Variants in MOXD1 observed in about 807,000 individuals in gnomAD.
The protein encoded by MOXD1 is DBH-like monooxygenase protein 1.
In MOXD1, 62 loss-of-function variants were observed where a neutral mutation model predicts 66.6. The ratio of observed to expected loss-of-function variants is 0.93; its 90% confidence interval spans 0.76 to 1.15. The LOEUF is 1.15. MOXD1 is among the 50% of genes most tolerant of loss of function. The pLI, the probability that MOXD1 is intolerant of heterozygous loss-of-function variation, is 0.00. For missense variants in MOXD1, 847 were observed against 754.6 expected, an observed-to-expected ratio of 1.12 and a Z score of -1.44; for synonymous variants, 303 against 281.9, an observed-to-expected ratio of 1.07 and a Z score of -0.75.
intron 10 of MOXD1, among the ~76,000 whole-genome samples, chr6:132,308,144 A>G (rs751985750): frequency 6.6e-6 from 1 of 152,090 alleles, no homozygotes; most frequent in Non-Finnish European, 1.5e-5. Flanking sequence ...TAAAGAGGAA[A>G]AGAGAGAAGA....
intron 4 of MOXD1, among the ~76,000 whole-genome samples, chr6:132,336,630 T>C (rs1166779513): frequency 6.6e-6 from 1 of 152,146 alleles, no homozygotes; most frequent in Non-Finnish European, 1.5e-5. Context: ...ATGCAAATCC[T>C]GACTTGCTGA....
At chr6:132,339,816 A>C (rs1391742171) in intron 4 of MOXD1, among the ~76,000 whole-genome samples, 1 of 151,982 alleles carries the variant, frequency 6.6e-6, no homozygotes, top group Non-Finnish European at 1.5e-5. Flanking sequence ...AAATAGCCTA[A>C]GGATGAAGAT....
chr6:132,345,095 T>C (rs765468630), intron 4 of MOXD1, among the ~76,000 whole-genome samples: 2 of 152,196 alleles, frequency 1.3e-5, no homozygotes, highest in African/African-American at 4.8e-5. Flanking sequence ...AGAGGTTCCA[T>C]CGGCCACAGA....
intron 1 of MOXD1, among the ~76,000 whole-genome samples, chr6:132,386,447 A>AAAAAAAAAAAAAAAC (rs1776646640): frequency 1.5e-5 from 2 of 130,300 alleles, no homozygotes; most frequent in African/African-American, 3.3e-5. Context: ...AAAAAAAAAC[A>AAAAAAAAAAAAAAAC]AAAAAAAAAC....
At chr6:132,301,067 T>C (rs1774524946) in intron 10 of MOXD1, among the ~76,000 whole-genome samples, 1 of 152,112 alleles carries the variant, frequency 6.6e-6, no homozygotes, top group African/African-American at 2.4e-5. Context: ...AAGTAGCAAG[T>C]ATTTCTGCTT....
At chr6:132,350,331 T>A (rs1360688154) in intron 4 of MOXD1, among the ~76,000 whole-genome samples, 2 of 152,208 alleles carry the variant, frequency 1.3e-5, no homozygotes, top group Non-Finnish European at 2.9e-5. Flanking sequence ...CCAGTTTCAC[T>A]CTCCTACATG....
intron 4 of MOXD1, among the ~76,000 whole-genome samples, chr6:132,339,885 T>TC (rs57695217): frequency 3.3e-5 from 5 of 151,082 alleles, no homozygotes; most frequent in African/African-American, 1.2e-4. Context: ...TTTTTTTTTT[T>TC]CTGTGATGGA....
chr6:132,375,323 G>A (rs560628058), intron 1 of MOXD1, among the ~76,000 whole-genome samples: 1 of 152,288 alleles, frequency 6.6e-6, no homozygotes, highest in South Asian at 2.1e-4. Context: ...TGGGAAATAT[G>A]CAAAGAAACA....
chr6:132,335,633 A>G (rs1490349625), intron 4 of MOXD1, among the ~76,000 whole-genome samples: 1 of 152,206 alleles, frequency 6.6e-6, no homozygotes, highest in Admixed American at 6.5e-5. Flanking sequence ...CCCTGCCTAT[A>G]TCTTGATTTC....
At chr6:132,375,026 GA>G in intron 1 of MOXD1, 1 of 565,886 alleles carries the variant, frequency 1.8e-6, no homozygotes, top group South Asian at 2.5e-5. Context: ...TGGAATGAAT[GA>G]ACATTTGATA....
intron 1 of MOXD1, among the ~76,000 whole-genome samples, chr6:132,400,798 G>C (rs1470414749): frequency 1.3e-5 from 2 of 152,190 alleles, no homozygotes; most frequent in Non-Finnish European, 2.9e-5. Context: ...TCTGAGAGCT[G>C]TCCCATTAGG....
chr6:132,389,388 A>G (rs1776711058), intron 1 of MOXD1, among the ~76,000 whole-genome samples: 1 of 151,536 alleles, frequency 6.6e-6, no homozygotes, highest in African/African-American at 2.4e-5. Context: ...CTTGCTTTGT[A>G]TCCCCATGTC....
chr6:132,303,822 T>G (rs1774613764), intron 10 of MOXD1, among the ~76,000 whole-genome samples: 1 of 98,998 alleles, frequency 1.0e-5, no homozygotes, highest in African/African-American at 3.8e-5. Context: ...TGTGTGTGTG[T>G]GTGTGTGTGT....
At chr6:132,389,053 T>C (rs1051738722) in intron 1 of MOXD1, among the ~76,000 whole-genome samples, 1 of 151,062 alleles carries the variant, frequency 6.6e-6, no homozygotes, top group East Asian at 1.9e-4. Context: ...TTATTATTAT[T>C]TGGGGGACAG....
intron 4 of MOXD1, among the ~76,000 whole-genome samples, chr6:132,340,638 A>ATTTTTTTCTTTTTTTTTTTTTTTTT (rs1775534473): frequency 1.0e-5 from 1 of 98,808 alleles, no homozygotes; most frequent in African/African-American, 4.4e-5. Context: ...AACAAGACTC[A>ATTTTTTTCTTTTTTTTTTTTTTTTT]TTTTTTTTTT....
At chr6:132,361,620 A>C (rs1776020291) in intron 4 of MOXD1, among the ~76,000 whole-genome samples, 1 of 152,152 alleles carries the variant, frequency 6.6e-6, no homozygotes, top group South Asian at 2.1e-4. Flanking sequence ...TTTATATCAG[A>C]GTCACTTGGG....
In MOXD1 at chr6:132,397,679, AAAGAAAGAAAGAAAG is replaced by A. The variant is rs879367349; in HGVS notation, c.264+3469_264+3483del. Among the ~76,000 whole-genome samples, 899 of 142,654 alleles carry A rather than the reference AAAGAAAGAAAGAAAG, an allele frequency of 6.3e-3. 8 individuals are homozygous for A. Among genetic ancestry groups the A allele is most frequent in the African/African-American group, 0.02 (782 of 38,684 alleles). The allele number at this position is 142,654 out of a possible 152,430, so 93.6% of individuals were successfully genotyped here. A position where few individuals can be genotyped will look rare whatever the true frequency, so the allele number is the denominator to read the frequency against. ...GAAAGAAAGAAAGAAAGAAAGAAAG[AAAGAAAGAAAGAAAG>A]AAAGAAAAAGAAAGAGTAAAGAGAA... On this transcript the variant is annotated intron_variant, in intron 1 of 11. Transcript: ENST00000367963.
chr6:132,337,104 G>A (rs1406284710), intron 4 of MOXD1, among the ~76,000 whole-genome samples: 1 of 152,208 alleles, frequency 6.6e-6, no homozygotes, highest in African/African-American at 2.4e-5. Context: ...ACACTTCACT[G>A]AAGCTGTTCC....
chr6:132,381,812 T>C (rs1172990365), intron 1 of MOXD1, among the ~76,000 whole-genome samples: 1 of 152,126 alleles, frequency 6.6e-6, no homozygotes, highest in Non-Finnish European at 1.5e-5. Context: ...ACTTAGAAGT[T>C]GACATTCACA....
Sources: allele counts gnomAD v4.1 joint callset (sites outside exome capture counted in the v4.1 genomes callset), GRCh38; gene constraint gnomAD v4.1.1; transcripts MANE v1.5; gene names NCBI Gene and HGNC (gene_info 2026-07-23, HGNC 2026-07-21).